NUCB1: variants seen among roughly 807,000 people sequenced by gnomAD.
The protein encoded by NUCB1 is nucleobindin-1.
A neutral mutation model predicts 61.2 loss-of-function variants in NUCB1; 47 were observed. The observed-to-expected ratio is 0.77, with a 90% confidence interval of 0.61 to 0.98. The LOEUF (loss-of-function observed/expected upper bound fraction) is 0.98. Among genes scored for constraint, NUCB1 ranks in the 50% least tolerant of loss-of-function variants. The pLI, the probability that NUCB1 is intolerant of heterozygous loss-of-function variation, is 0.00. For missense variants in NUCB1, 583 were observed against 605.3 expected, an observed-to-expected ratio of 0.96 and a Z score of 0.39; for synonymous variants, 234 against 243.1, an observed-to-expected ratio of 0.96 and a Z score of 0.35.
chr19:48,902,768 C>T (rs536385734), intron 2 of NUCB1, among the ~76,000 whole-genome samples: 15 of 151,750 alleles, frequency 9.9e-5, no homozygotes, highest in African/African-American at 3.6e-4. Context: ...AAGAGCATTC[C>T]AGGCAGAGGG....
chr19:48,921,818 C>G lies in NUCB1; in HGVS notation c.1174-9C>G, dbSNP rs2037612736. The G allele has an allele frequency of 6.2e-7, 1 of 1,610,278 alleles. No homozygotes were observed. The highest frequency in any genetic ancestry group is 8.5e-7 in the Non-Finnish European group (1 of 1,179,298). Reference sequence around the variant, plus strand: ...CCCTCTTGTCTGTGTGACCCCCCACCTCCCACAGGCTGTGCTGCACATGGA... The same window carrying G: ...CCCTCTTGTCTGTGTGACCCCCCACGTCCCACAGGCTGTGCTGCACATGGA... On this transcript the variant is annotated splice_polypyrimidine_tract_variant and intron_variant, in intron 11 of 12. Coordinates refer to ENST00000405315, the MANE Select transcript of NUCB1 (RefSeq NM_006184.6).
In NUCB1 at chr19:48,921,306, G is replaced by A. The variant is rs755617431; in HGVS notation, c.1155G>A (p.Gln385=). 4 of 1,591,680 alleles carry A rather than the reference G, an allele frequency of 2.5e-6. No individual in the cohort carries two copies. The highest frequency in any genetic ancestry group is 3.4e-6 in the Non-Finnish European group (4 of 1,169,762). ...GGTCCCAGGGCCGCCTGGAGGCCCA[G>A]AAGAGAGAGCTGCAGCAGGTGACAG... ...LGRSQGRLEA[Q]KRELQQAVLH... is the part of the protein sequence containing the mutation. The change falls in exon 11 of 13, where the codon CAG becomes CAA. Residue 385 remains glutamine (Q), a synonymous_variant. Transcript: ENST00000405315.
At chr19:48,906,364 A>G (rs1010954300) in intron 4 of NUCB1, among the ~76,000 whole-genome samples, 1 of 148,144 alleles carries the variant, frequency 6.8e-6, no homozygotes, top group African/African-American at 2.5e-5. Flanking sequence ...AGATCGCACC[A>G]TTGCACTCCA....
Position 48,921,809 on chromosome 19 carries a change from A to AC in NUCB1, c.1174-12dup, listed in dbSNP as rs572497735. The AC allele has an allele frequency of 1.2e-4, 194 of 1,608,416 alleles. 4 individuals carry two copies. The South Asian group carries it at 1.8e-3, about 15-fold the overall frequency. On this transcript the variant is annotated splice_polypyrimidine_tract_variant and intron_variant, in intron 11 of 12. Coordinates refer to ENST00000405315, the MANE Select transcript of NUCB1 (RefSeq NM_006184.6). Reference sequence around the variant, plus strand: ...AGCATCACACCCTCTTGTCTGTGTGACCCCCCACCTCCCACAGGCTGTGCT... The same window carrying AC: ...AGCATCACACCCTCTTGTCTGTGTGACCCCCCCACCTCCCACAGGCTGTGCT...
rs111823350 is a variant in NUCB1 at position 48,917,894 on chromosome 19, C to T, written c.758-832C>T. On this transcript the variant is annotated intron_variant, in intron 7 of 12. Coordinates refer to ENST00000405315, the MANE Select transcript of NUCB1 (RefSeq NM_006184.6). ...ATGTGCTCAAATGATCTTGCCTTAG[C>T]CTTCCAAAGTACTGGGATTACAGGC... Among the ~76,000 whole-genome samples, 531 of 151,642 alleles carry T rather than the reference C, an allele frequency of 3.5e-3. 7 individuals carry two copies. Among genetic ancestry groups the T allele is most frequent in the African/African-American group, 0.012 (505 of 41,234 alleles).
rs2037630824 is a variant in NUCB1 at position 48,923,162 on chromosome 19, C to T, written c.*738C>T. The T allele has an allele frequency of 6.5e-6, 1 of 152,946 alleles. No homozygotes were observed. Among genetic ancestry groups the T allele is most frequent in the Non-Finnish European group, 1.5e-5 (1 of 68,676 alleles). The allele number at this position is 152,946 out of a possible 1,614,324, so 9.5% of individuals were successfully genotyped here. A position where few individuals can be genotyped will look rare whatever the true frequency, so the allele number is the denominator to read the frequency against. On this transcript the variant is annotated 3_prime_UTR_variant, in exon 13 of 13. Transcript: ENST00000405315. ...AGCCCCTCAGCCTCATCTGGAGCCC[C>T]TGAAGACCAGTCCCACCCACCTTTC... is the stretch of plus-strand genomic sequence containing the variant.
Position 48,909,447 on chromosome 19 carries a change from A to G in NUCB1, c.377-1702A>G, listed in dbSNP as rs551608803. Among the ~76,000 whole-genome samples, 212 of 152,076 alleles carry G rather than the reference A, an allele frequency of 1.4e-3. 5 individuals carry two copies. In the South Asian group the frequency reaches 0.039, roughly 28 times the overall value. On this transcript the variant is annotated intron_variant, in intron 4 of 12. Coordinates refer to ENST00000405315, the MANE Select transcript of NUCB1 (RefSeq NM_006184.6). ...TTTTTAGTACAGATGGAGTTTTGCCATGTTGGGCAGGCTGGTTTCGAATTC... is the reference window on the plus strand; with the variant it reads ...TTTTTAGTACAGATGGAGTTTTGCCGTGTTGGGCAGGCTGGTTTCGAATTC...
chr19:48,919,314 C>T, intron 10 of NUCB1, 28 bp downstream of exon 10: 1 of 1,526,370 alleles, frequency 6.6e-7, no homozygotes, highest in Non-Finnish European at 9.1e-7. Flanking sequence ...ACTCGGGGTC[C>T]TGAACCTCTC....
At chr19:48,921,066 A>G in intron 10 of NUCB1, 88 bp from the exon 11 acceptor site, 1 of 1,434,538 alleles carries the variant, frequency 7.0e-7, no homozygotes. Flanking sequence ...AGCCTCCTCT[A>G]CACCTCCCCC....
intron 2 of NUCB1, among the ~76,000 whole-genome samples, chr19:48,901,609 C>T (rs370116980): frequency 2.0e-5 from 3 of 152,310 alleles, no homozygotes; most frequent in Admixed American, 6.5e-5. Flanking sequence ...ACCAAAAATG[C>T]AGAAATTAGC....
At chr19:48,918,701 T>G in intron 7 of NUCB1, 25 bp from the exon 8 acceptor site, 1 of 1,604,200 alleles carries the variant, frequency 6.2e-7, no homozygotes, top group Non-Finnish European at 8.5e-7. Context: ...TCCCCTGAGA[T>G]ACCTTGCTAT....
chr19:48,900,889 A>AG lies in NUCB1; in HGVS notation c.97dup (p.Ala33GlyfsTer11), dbSNP rs771817906. Reference sequence around the variant, plus strand: ...CCGTGCTGGCTGTCCCCCTGGAGCGAGGGGCGCCCAACAAGGAGGAGACCC... The same window carrying AG: ...CCGTGCTGGCTGTCCCCCTGGAGCGAGGGGGCGCCCAACAAGGAGGAGACCC... On this transcript the variant is annotated frameshift_variant, in exon 2 of 13. Coordinates refer to ENST00000405315, the MANE Select transcript of NUCB1 (RefSeq NM_006184.6). LOFTEE classifies it high-confidence loss of function. 6.2e-7 allele frequency: 1 copy of AG among 1,613,854 alleles called. No homozygotes were observed. Among genetic ancestry groups the AG allele is most frequent in the South Asian group, 1.1e-5 (1 of 91,082 alleles).
intron 4 of NUCB1, 135 bp from the exon 5 acceptor site, chr19:48,911,014 C>T (rs1181972473): frequency 3.2e-6 from 2 of 621,164 alleles, no homozygotes; most frequent in South Asian, 1.9e-5. Flanking sequence ...GGAAGCCTTC[C>T]CTGATTGCCC....
rs146803010 is a variant in NUCB1, at chr19:48,919,943, A to G, written c.1002+657A>G. On this transcript the variant is annotated intron_variant, in intron 10 of 12. Transcript: ENST00000405315. The stretch of plus-strand genomic sequence containing the variant: ...GCCACCATGCCTGGCTAATTTTTGT[A>G]TTTTTTGTAGAGATGGGGTTTTGCC... Among the ~76,000 whole-genome samples, 507 of 151,194 alleles carry G rather than the reference A, an allele frequency of 3.4e-3. 3 individuals carry two copies. The highest frequency in any genetic ancestry group is 6.0e-3 in the Non-Finnish European group (407 of 67,768).
chr19:48,915,678 T>C (rs1209423046), intron 7 of NUCB1, among the ~76,000 whole-genome samples: 1 of 152,052 alleles, frequency 6.6e-6, no homozygotes, highest in Non-Finnish European at 1.5e-5. Flanking sequence ...TTTTTTAATT[T>C]TTAGTAAAGG....
Position 48,922,927 on chromosome 19 carries a change from A to T in NUCB1, c.*503A>T, listed in dbSNP as rs2037628421. The T allele has an allele frequency of 1.3e-5, 2 of 154,368 alleles. No individual in the cohort carries two copies. The highest frequency in any genetic ancestry group is 1.3e-4 in the Admixed American group (2 of 15,432). The allele number at this position is 154,368 out of a possible 1,614,324, so 9.6% of individuals were successfully genotyped here. On this transcript the variant is annotated 3_prime_UTR_variant, in exon 13 of 13. Transcript: ENST00000405315. ...CTTTTGTGGAACCAGTGATGCCTCAAAGACAGTGTCCCCTCCACAGCTGGG... is the reference window on the plus strand; with the variant it reads ...CTTTTGTGGAACCAGTGATGCCTCATAGACAGTGTCCCCTCCACAGCTGGG...
At chr19:48,915,940 C>T (rs559897849) in intron 7 of NUCB1, among the ~76,000 whole-genome samples, 64 of 152,106 alleles carry the variant, frequency 4.2e-4, no homozygotes, top group Middle Eastern at 3.4e-3. Context: ...TGTGCCACTG[C>T]GCCCAGCTTT....
intron 5 of NUCB1, 108 bp downstream of exon 5, chr19:48,911,360 C>T: frequency 1.4e-6 from 1 of 735,164 alleles, no homozygotes; most frequent in Non-Finnish European, 2.4e-6. Flanking sequence ...CTGGTGTTCT[C>T]TGAGGTTGGA....
intron 10 of NUCB1, among the ~76,000 whole-genome samples, chr19:48,919,891 C>T (rs2037590039): frequency 6.6e-6 from 1 of 151,084 alleles, no homozygotes; most frequent in Non-Finnish European, 1.5e-5. Context: ...ATCTCAGCCT[C>T]ATGAGTAGCT....
Sources: allele counts gnomAD v4.1 joint callset (sites outside exome capture counted in the v4.1 genomes callset), GRCh38; gene constraint gnomAD v4.1.1; transcripts MANE v1.5; gene names NCBI Gene and HGNC (gene_info 2026-07-23, HGNC 2026-07-21).